Variants in GALNT7 observed in about 807,000 individuals in gnomAD.
GALNT7 encodes the protein N-acetylgalactosaminyltransferase 7.
In GALNT7, 60 loss-of-function variants were observed where a neutral mutation model predicts 82.1. The observed-to-expected ratio is 0.73, with a 90% CI of 0.59 to 0.91. GALNT7 has a LOEUF of 0.91. Ranked by LOEUF, GALNT7 falls within the 40% of genes least tolerant of loss-of-function variation. The pLI is 0.00. For synonymous variants in GALNT7, 243 were observed against 275.1 expected, an observed-to-expected ratio of 0.88 and a Z score of 1.15; for missense variants, 660 against 804.2, an observed-to-expected ratio of 0.82 and a Z score of 2.17.
intron 1 of GALNT7, among the ~76,000 whole-genome samples, chr4:173,237,104 ATGGATTT>A: frequency 6.6e-6 from 1 of 152,154 alleles, no homozygotes; most frequent in South Asian, 2.1e-4. Flanking sequence ...CCCTCCTAAA[ATGGATTT>A]CTAGTCGTGC....
chr4:173,248,014 G>A lies in GALNT7; in HGVS notation c.161G>A (p.Arg54Gln), dbSNP rs760030455. ...DRDVNDPMPN[R>Q]GGNGLAPGED... is the part of the protein sequence containing the mutation. Reference sequence around the variant, plus strand: ...GATGTCAATGACCCCATGCCCAACCGAGGCGGCAATGGACTAGCTCCTGGG... The same window carrying A: ...GATGTCAATGACCCCATGCCCAACCAAGGCGGCAATGGACTAGCTCCTGGG... The change falls in exon 2 of 12, where the codon CGA (arginine) becomes CAA (glutamine). Residue 54 changes from arginine to glutamine, a missense_variant. By Grantham distance (43) the Arg-to-Gln change is conservative (BLOSUM62 1). Transcript: ENST00000265000. The A allele has an allele frequency of 1.3e-5, 21 of 1,613,112 alleles. 1 individual carries two copies. Among genetic ancestry groups the A allele is most frequent in the Middle Eastern group, 1.6e-4 (1 of 6,062 alleles).
chr4:173,241,237 A>G (rs931899437), intron 1 of GALNT7, among the ~76,000 whole-genome samples: 12 of 151,824 alleles, frequency 7.9e-5, no homozygotes, highest in African/African-American at 2.9e-4. Flanking sequence ...AAAGAAAGAA[A>G]AGAAATAGTT....
chr4:173,239,580 G>A (rs577267767), intron 1 of GALNT7, among the ~76,000 whole-genome samples: 75 of 152,288 alleles, frequency 4.9e-4, no homozygotes, highest in Non-Finnish European at 9.0e-4. Context: ...AAACAAAACA[G>A]GACCCAGGAC....
chr4:173,288,282 C>CAAAAAAAAAAAAAAA (rs70944442), intron 2 of GALNT7, among the ~76,000 whole-genome samples: 61 of 62,964 alleles, frequency 9.7e-4, no homozygotes, highest in African/African-American at 3.8e-3. Context: ...GACTCCATCT[C>CAAAAAAAAAAAAAAA]AAAAAAAAAA....
intron 1 of GALNT7, among the ~76,000 whole-genome samples, chr4:173,245,573 T>C (rs991619432): frequency 1.3e-5 from 2 of 152,148 alleles, no homozygotes; most frequent in Admixed American, 6.6e-5. Context: ...AAAACTGAAG[T>C]GGAGGAGAAT....
At chr4:173,198,276 G>A (rs1254869375) in intron 1 of GALNT7, among the ~76,000 whole-genome samples, 2 of 146,080 alleles carry the variant, frequency 1.4e-5, no homozygotes, top group Non-Finnish European at 3.0e-5. Context: ...CACCGTGTTA[G>A]CCAGGATAGT....
intron 1 of GALNT7, among the ~76,000 whole-genome samples, chr4:173,194,161 G>C (rs1160656748): frequency 6.6e-6 from 1 of 152,186 alleles, no homozygotes; most frequent in Non-Finnish European, 1.5e-5. Flanking sequence ...GGTACAGAGA[G>C]TTAAAAGCAT....
intron 1 of GALNT7, among the ~76,000 whole-genome samples, chr4:173,211,124 A>G (rs1000262766): frequency 6.6e-6 from 1 of 152,184 alleles, no homozygotes; most frequent in Non-Finnish European, 1.5e-5. Context: ...CTCAATAGCT[A>G]CATATGAAAT....
chr4:173,312,151 A>G (rs549864256), intron 8 of GALNT7, among the ~76,000 whole-genome samples: 2 of 152,342 alleles, frequency 1.3e-5, no homozygotes, highest in South Asian at 4.1e-4. Context: ...CCCTTTATAG[A>G]GAATATTTGC....
intron 1 of GALNT7, among the ~76,000 whole-genome samples, chr4:173,175,623 A>T (rs72994575): frequency 0.016 from 2,458 of 152,292 alleles, 66 homozygotes; most frequent in Admixed American, 0.065. Context: ...TCAGCTTACG[A>T]TTTTTGACTT....
chr4:173,242,034 G>A (rs1734452951), intron 1 of GALNT7, among the ~76,000 whole-genome samples: 1 of 152,098 alleles, frequency 6.6e-6, no homozygotes, highest in African/African-American at 2.4e-5. Context: ...GTAACTTTGG[G>A]ACGAACTGGT....
rs777199234 is a variant in GALNT7, at chr4:173,304,084, C to T, written c.1355C>T (p.Pro452Leu). Residue 452 changes from proline (P) to leucine (L), a missense_variant, in exon 8 of 12, where the codon CCG becomes CTG. Physicochemically the swap from Pro to Leu is moderately conservative, Grantham distance 98. Around this residue, in one of 2 missense-constraint regions of GALNT7, gnomAD observed 527 missense variants for 683.5 expected, o/e 0.77. Transcript: ENST00000265000. ...YRLEGWQGNP[P>L]PIYVGSSPTL... ...CTTGAGGGCTGGCAAGGAAATCCTC[C>T]GCCCATTTATGTTGGGTCTTCTCCA... The T allele has an allele frequency of 7.3e-5, 118 of 1,613,114 alleles. No individual in the cohort carries two copies. The highest frequency in any genetic ancestry group is 9.3e-5 in the Non-Finnish European group (110 of 1,179,440).
intron 1 of GALNT7, among the ~76,000 whole-genome samples, chr4:173,186,249 T>C (rs1293726236): frequency 6.6e-6 from 1 of 152,242 alleles, no homozygotes; most frequent in Non-Finnish European, 1.5e-5. Context: ...GTGAAACATA[T>C]AGCTCCCCAA....
intron 5 of GALNT7, among the ~76,000 whole-genome samples, chr4:173,297,247 TTG>T (rs975115455): frequency 8.6e-5 from 13 of 150,762 alleles, no homozygotes; most frequent in African/African-American, 2.5e-4. Context: ...CCTTTTTTTT[TTG>T]TTTGTTTTGC....
At chr4:173,268,929 C>T (rs527725616) in intron 2 of GALNT7, among the ~76,000 whole-genome samples, 64 of 152,172 alleles carry the variant, frequency 4.2e-4, no homozygotes, top group African/African-American at 1.4e-3. Flanking sequence ...CATTTGTGGA[C>T]GTAGAATCCA....
intron 2 of GALNT7, among the ~76,000 whole-genome samples, chr4:173,279,448 G>C (rs1736031954): frequency 6.6e-6 from 1 of 152,150 alleles, no homozygotes. Context: ...TTTAACATGA[G>C]ATTTGTGGGG....
chr4:173,195,438 G>A (rs1435163241), intron 1 of GALNT7, among the ~76,000 whole-genome samples: 1 of 152,090 alleles, frequency 6.6e-6, no homozygotes, highest in Non-Finnish European at 1.5e-5. Context: ...AAATGCTTGA[G>A]TTGTTTCTCC....
At chr4:173,296,924 A>T (rs1161283319) in intron 5 of GALNT7, among the ~76,000 whole-genome samples, 1 of 152,194 alleles carries the variant, frequency 6.6e-6, no homozygotes, top group Non-Finnish European at 1.5e-5. Flanking sequence ...TAAAGTTCTA[A>T]GCACTGTAGG....
chr4:173,295,640 A>G, intron 4 of GALNT7, 114 bp downstream of exon 4: 3 of 1,192,284 alleles, frequency 2.5e-6, no homozygotes, highest in Non-Finnish European at 2.5e-6. Flanking sequence ...TGGCTTAAAC[A>G]GATAACTTAT....
Sources: allele counts gnomAD v4.1 joint callset (sites outside exome capture counted in the v4.1 genomes callset), GRCh38; gene constraint gnomAD v4.1.1; regional missense constraint gnomAD v4.1.1; transcripts MANE v1.5; gene names NCBI Gene and HGNC (gene_info 2026-07-23, HGNC 2026-07-21).